The following REEP1 variants were observed in gnomAD, a reference collection of about 807,000 sequenced individuals.
REEP1 encodes the protein receptor accessory protein 1.
A neutral mutation model predicts 40.3 loss-of-function variants in REEP1; 22 were observed. That is an observed-to-expected ratio of 0.55 (90% CI 0.39 to 0.78). The LOEUF is 0.78. Among genes scored for constraint, REEP1 ranks in the 30% least tolerant of loss-of-function variants. The pLI is 0.00. For synonymous variants in REEP1, 116 were observed against 139.2 expected, an observed-to-expected ratio of 0.83 and a Z score of 1.17; for missense variants, 280 against 361.1, an observed-to-expected ratio of 0.78 and a Z score of 1.82.
At chr2:86,336,965 C>T (rs1163805502) in intron 1 of REEP1, 4 of 152,490 alleles carry the variant, frequency 2.6e-5, no homozygotes, top group African/African-American at 7.2e-5. Context: ...TTTTTCCAAC[C>T]CCACTGGGAG....
At chr2:86,295,137 T>C (rs946798137) in intron 1 of REEP1, among the ~76,000 whole-genome samples, 4 of 152,226 alleles carry the variant, frequency 2.6e-5, no homozygotes, top group African/African-American at 7.2e-5. Context: ...AGCACGTGTC[T>C]TAATTATGAG....
chr2:86,240,244 C>T (rs932824213), intron 5 of REEP1, among the ~76,000 whole-genome samples: 1 of 152,212 alleles, frequency 6.6e-6, no homozygotes, highest in African/African-American at 2.4e-5. Flanking sequence ...GCGTGAAGCA[C>T]CGCAGAGGAA....
At chr2:86,318,182 G>C (rs1680111872) in intron 1 of REEP1, among the ~76,000 whole-genome samples, 1 of 151,970 alleles carries the variant, frequency 6.6e-6, no homozygotes, top group Non-Finnish European at 1.5e-5. Flanking sequence ...CATCTATTTG[G>C]TGAACCAAGT....
rs1573977490 is a variant in REEP1 at position 86,215,130 on chromosome 2, ACTC to A, written c.*1906_*1908del. 6.8e-6 allele frequency: 1 copy of A among 148,006 alleles called. No homozygotes were observed. Among genetic ancestry groups the A allele is most frequent in the East Asian group, 2.0e-4 (1 of 5,010 alleles). The allele number at this position is 148,006 out of a possible 1,614,324, so 9.2% of individuals were successfully genotyped here. ...GTATATTCTTCTTCTGTCTGGAACT[ACTC>A]AATGAGCACAAAGAAAACATTTTCT... On this transcript the variant is annotated 3_prime_UTR_variant, in exon 9 of 9. Coordinates refer to ENST00000538924, the MANE Select transcript of REEP1 (RefSeq NM_001371279.1).
intron 7 of REEP1, 91 bp downstream of exon 7, chr2:86,227,272 G>A (rs1373149571): frequency 9.4e-7 from 1 of 1,061,810 alleles, no homozygotes; most frequent in Non-Finnish European, 1.2e-6. Flanking sequence ...GCAGCTGAAA[G>A]GGAGCCCCAG....
At chr2:86,236,941 A>AG (rs1210441355) in intron 5 of REEP1, among the ~76,000 whole-genome samples, 1 of 152,148 alleles carries the variant, frequency 6.6e-6, no homozygotes, top group Non-Finnish European at 1.5e-5. Context: ...TCACCGTGTT[A>AG]GCCAGGATGG....
At chr2:86,332,594 C>G (rs890601408) in intron 1 of REEP1, among the ~76,000 whole-genome samples, 4 of 152,098 alleles carry the variant, frequency 2.6e-5, no homozygotes, top group African/African-American at 9.7e-5. Flanking sequence ...ATAATACACC[C>G]TCCAAAAAAG....
chr2:86,285,315 A>T (rs879306153), intron 1 of REEP1, among the ~76,000 whole-genome samples: 2 of 152,208 alleles, frequency 1.3e-5, no homozygotes, highest in East Asian at 3.9e-4. Context: ...CAGAAATGCC[A>T]CTTCTTCTGT....
At chr2:86,290,055 G>A (rs561107110) in intron 1 of REEP1, among the ~76,000 whole-genome samples, 3 of 152,096 alleles carry the variant, frequency 2.0e-5, no homozygotes, top group East Asian at 1.9e-4. Context: ...GGAGTGCAGC[G>A]GCACAATCTC....
At chr2:86,311,813 T>C (rs1293522912) in intron 1 of REEP1, among the ~76,000 whole-genome samples, 1 of 152,204 alleles carries the variant, frequency 6.6e-6, no homozygotes, top group Admixed American at 6.5e-5. Context: ...GTCACCCCTA[T>C]GTGCTGGCCT....
At position 86,262,053 on chromosome 2, in the gene REEP1, T is replaced by A. The variant is rs184869683; in HGVS notation, c.182+1912A>T. 3.3e-5 allele frequency among the ~76,000 whole-genome samples: 5 copies of A among 152,356 alleles called. No homozygotes were observed. The East Asian group carries it at 9.6e-4, about 29-fold the overall frequency. The stretch of plus-strand genomic sequence containing the variant: ...TCTCCCCACTATTGTCTTGCGACCC[T>A]GACACATCCCCCTCTCGGAGAAACA... On this transcript the variant is annotated intron_variant, in intron 3 of 8. Transcript: ENST00000538924.
Position 86,282,064 on chromosome 2 carries a change from T to C in REEP1, c.105+106A>G, listed in dbSNP as rs1678124333. 7 of 796,556 alleles carry C rather than the reference T, an allele frequency of 8.8e-6. 1 individual carries two copies. Among genetic ancestry groups the C allele is most frequent in the Middle Eastern group, 2.4e-4 (1 of 4,228 alleles). 49.3% of individuals were successfully genotyped at this position (796,556 alleles called of 1,614,324 possible). On this transcript the variant is annotated intron_variant, in intron 2 of 8. Transcript: ENST00000538924. Reference sequence around the variant, plus strand: ...GAGAACTGTGATGAAGGAACTCCTTTTCCCTGCTTCCAGTGCCCATAGCAC... The same window carrying C: ...GAGAACTGTGATGAAGGAACTCCTTCTCCCTGCTTCCAGTGCCCATAGCAC...
rs965926150 is a variant in REEP1 at position 86,263,675 on chromosome 2, C to T, written c.182+290G>A. 2.0e-5 allele frequency among the ~76,000 whole-genome samples: 3 copies of T among 152,212 alleles called. No homozygotes were observed. In the South Asian group the frequency reaches 6.2e-4, roughly 32 times the overall value. ...TTTGTTCCTTTACTTTTTTAACGTA[C>T]GAATGCTTCTTTACCAACTCCATTA... On this transcript the variant is annotated intron_variant, in intron 3 of 8. Coordinates refer to ENST00000538924, the MANE Select transcript of REEP1 (RefSeq NM_001371279.1).
chr2:86,292,566 C>T (rs931201530), intron 1 of REEP1, among the ~76,000 whole-genome samples: 6 of 152,148 alleles, frequency 3.9e-5, no homozygotes, highest in Admixed American at 2.0e-4. Flanking sequence ...AGCTTATGCT[C>T]CCCTCCCCAG....
chr2:86,324,665 G>C (rs1680420981), intron 1 of REEP1, among the ~76,000 whole-genome samples: 1 of 152,140 alleles, frequency 6.6e-6, no homozygotes. Flanking sequence ...GTCAGTCAAA[G>C]TGATCAATGA....
intron 2 of REEP1, among the ~76,000 whole-genome samples, chr2:86,280,459 G>A (rs187674134): frequency 2.6e-5 from 4 of 152,260 alleles, no homozygotes; most frequent in Non-Finnish European, 4.4e-5. Context: ...AGTTGTTTTC[G>A]CCCCTGCAAA....
intron 5 of REEP1, among the ~76,000 whole-genome samples, chr2:86,248,366 C>T (rs1306462117): frequency 1.3e-5 from 2 of 152,152 alleles, no homozygotes; most frequent in Non-Finnish European, 2.9e-5. Flanking sequence ...AAAATGAAGC[C>T]AGGAGTCACC....
intron 4 of REEP1, among the ~76,000 whole-genome samples, chr2:86,253,655 C>T (rs996676946): frequency 4.6e-5 from 7 of 152,154 alleles, no homozygotes; most frequent in African/African-American, 1.4e-4. Flanking sequence ...GACAGGGATC[C>T]GTTCCTCAAA....
intron 2 of REEP1, among the ~76,000 whole-genome samples, chr2:86,267,309 A>C (rs1006721435): frequency 1.3e-5 from 2 of 152,170 alleles, no homozygotes; most frequent in African/African-American, 4.8e-5. Context: ...GTTTTATAAC[A>C]GGTAGTTTCC....
Sources: gnomAD v4.1 joint callset for allele counts (sites outside exome capture counted in the v4.1 genomes callset) on GRCh38, gnomAD v4.1.1 for gene constraint, MANE v1.5 for transcripts, NCBI Gene and HGNC (gene_info 2026-07-23, HGNC 2026-07-21) for gene names.